NPLOC4: variants seen among roughly 807,000 people sequenced by gnomAD.
NPLOC4 encodes the protein nuclear protein localization protein 4 homolog.
In NPLOC4, 18 loss-of-function variants were observed where a neutral mutation model predicts 80.6. The ratio of observed to expected loss-of-function variants is 0.22; its 90% CI spans 0.15 to 0.33. The LOEUF is 0.33. Ranked by LOEUF, NPLOC4 falls within the 10% of genes least tolerant of loss-of-function variation. NPLOC4 has a pLI of 1.00. For synonymous variants in NPLOC4, 313 were observed against 301.5 expected (o/e 1.04, Z -0.39); for missense variants, 540 against 786.1 (o/e 0.69, Z 3.74).
At chr17:81,621,280 C>T (rs7405578) in intron 3 of NPLOC4, among the ~76,000 whole-genome samples, 3 of 152,144 alleles carry the variant, frequency 2.0e-5, no homozygotes, top group South Asian at 2.1e-4. Flanking sequence ...GTGCCCAATA[C>T]ATCTTTGTTA....
chr17:81,601,329 C>T (rs1336194372), intron 8 of NPLOC4, among the ~76,000 whole-genome samples: 1 of 152,180 alleles, frequency 6.6e-6, no homozygotes, highest in Admixed American at 6.5e-5. Flanking sequence ...TCATTAATAC[C>T]TCCAGAACGT....
intron 13 of NPLOC4, among the ~76,000 whole-genome samples, chr17:81,571,434 C>T (rs1185406584): frequency 1.3e-5 from 2 of 152,206 alleles, no homozygotes; most frequent in East Asian, 3.8e-4. Context: ...TGTGGAAGAG[C>T]CAGGGGCCTT....
At chr17:81,600,687 C>T (rs992245308) in intron 8 of NPLOC4, among the ~76,000 whole-genome samples, 16 of 152,182 alleles carry the variant, frequency 1.1e-4, no homozygotes, top group African/African-American at 3.6e-4. Context: ...AGCTCTGCAT[C>T]AGGAGCACTC....
chr17:81,583,632 T>C (rs1038576764), intron 12 of NPLOC4, among the ~76,000 whole-genome samples: 8 of 152,166 alleles, frequency 5.3e-5, no homozygotes, highest in African/African-American at 1.9e-4. Flanking sequence ...CCTAAAAAAC[T>C]ACACGTGAAC....
chr17:81,566,728 T>C (rs2034023245), intron 15 of NPLOC4: 1 of 152,356 alleles, frequency 6.6e-6, no homozygotes, highest in Non-Finnish European at 1.5e-5. Flanking sequence ...GGAAAAGTTC[T>C]GAGTCAGTGG....
Position 81,608,711 on chromosome 17 carries a change from TACA to T in NPLOC4, c.530+14_530+16del. On this transcript the variant is annotated intron_variant, in intron 6 of 16. Transcript: ENST00000331134. ...AAAAGGAATTTACGCACAACCAGGT[TACA>T]GCAAGTTGCTTACTTGTCAGCCCCT... The T allele has an allele frequency of 6.4e-7, 1 of 1,560,300 alleles. No individual in the cohort carries two copies.
intron 11 of NPLOC4, among the ~76,000 whole-genome samples, chr17:81,592,833 A>T (rs1482407732): frequency 1.3e-5 from 2 of 152,084 alleles, no homozygotes; most frequent in African/African-American, 4.8e-5. Context: ...AAAATACAAA[A>T]ATTGGCCGGG....
chr17:81,607,614 G>A (rs957830950), intron 6 of NPLOC4, among the ~76,000 whole-genome samples: 4 of 152,186 alleles, frequency 2.6e-5, no homozygotes, highest in East Asian at 1.9e-4. Flanking sequence ...GCAAAGACTC[G>A]TCACTGAATC....
At chr17:81,566,200 C>G (rs998204709) in intron 15 of NPLOC4, among the ~76,000 whole-genome samples, 1 of 152,126 alleles carries the variant, frequency 6.6e-6, no homozygotes, top group Admixed American at 6.5e-5. Flanking sequence ...GGCGTGGTTG[C>G]GGGCACCTGT....
rs543264191 is a variant in NPLOC4, at chr17:81,577,038, C to T, written c.1282-4950G>A. 6.6e-6 allele frequency among the ~76,000 whole-genome samples: 1 copy of T among 152,304 alleles called. No individual in the cohort carries two copies. The highest frequency in any genetic ancestry group is 1.5e-5 in the Non-Finnish European group (1 of 68,028). On this transcript the variant is annotated intron_variant, in intron 12 of 16. Coordinates refer to ENST00000331134, the MANE Select transcript of NPLOC4 (RefSeq NM_017921.4). The surrounding 1 kb of genome is among the most constrained non-coding windows in gnomAD (Gnocchi z 4.3). The stretch of plus-strand genomic sequence containing the variant: ...TGCACTAAGAATGAGTTACAGGGTC[C>T]ACCAAGTGCTGTTCACAGTGCCAGA...
In NPLOC4 at chr17:81,636,952, G is replaced by C; in HGVS notation, c.-22C>G. 7.6e-7 allele frequency: 1 copy of C among 1,310,468 alleles called. No homozygotes were observed. Among genetic ancestry groups the C allele is most frequent in the Admixed American group, 3.3e-5 (1 of 30,050 alleles). The allele number at this position is 1,310,468 out of a possible 1,614,324, so 81.2% of individuals were successfully genotyped here. On this transcript the variant is annotated 5_prime_UTR_variant, in exon 1 of 17. Transcript: ENST00000331134. ...CCATGGCGGCTGCTCCTGCCTCCGG[G>C]CTCGAGCCCCGGGCCGCCGCCGCCT...
At chr17:81,565,733 C>T (rs2144030111) in intron 15 of NPLOC4, 126 bp from the exon 16 acceptor site, 1 of 700,666 alleles carries the variant, frequency 1.4e-6, no homozygotes, top group Non-Finnish European at 2.3e-6. Context: ...ATCTTACAGG[C>T]TATCACTATA....
chr17:81,582,694 C>T (rs1324427680), intron 12 of NPLOC4, among the ~76,000 whole-genome samples: 1 of 152,238 alleles, frequency 6.6e-6, no homozygotes, highest in African/African-American at 2.4e-5. Flanking sequence ...TGAGCCACCA[C>T]ACCTAGTCTA....
intron 2 of NPLOC4, among the ~76,000 whole-genome samples, chr17:81,626,944 G>C (rs1025579439): frequency 6.6e-6 from 1 of 151,066 alleles, no homozygotes; most frequent in African/African-American, 2.4e-5. Context: ...ACAAAAATCA[G>C]CTGGGCATGG....
chr17:81,619,264 C>T (rs2035597311), intron 3 of NPLOC4, among the ~76,000 whole-genome samples: 1 of 151,436 alleles, frequency 6.6e-6, no homozygotes, highest in Non-Finnish European at 1.5e-5. Context: ...GTAGTCCCAG[C>T]TATTCGGGAG....
At chr17:81,620,002 G>A (rs958027033) in intron 3 of NPLOC4, among the ~76,000 whole-genome samples, 1 of 152,158 alleles carries the variant, frequency 6.6e-6, no homozygotes, top group Admixed American at 6.6e-5. Context: ...GGGTCATGCT[G>A]GAGGGTCTTG....
intron 3 of NPLOC4, among the ~76,000 whole-genome samples, chr17:81,617,426 C>T (rs1056265510): frequency 2.6e-5 from 4 of 152,188 alleles, no homozygotes; most frequent in African/African-American, 9.6e-5. Flanking sequence ...GTAATCCCAG[C>T]ACTCTGGGAG....
chr17:81,606,659 A>G lies in NPLOC4; in HGVS notation c.654+32T>C, dbSNP rs778598953. 3.8e-6 allele frequency: 6 copies of G among 1,598,246 alleles called. No homozygotes were observed. The Admixed American group carries it at 1.0e-4, about 28-fold the overall frequency. On this transcript the variant is annotated intron_variant, in intron 7 of 16. Transcript: ENST00000331134. ...GGAAATATCCGTTTCTCAGCCATGA[A>G]AACAAATCTAGACAGACAGGGAACA...
At chr17:81,581,430 T>G (rs1335751232) in intron 12 of NPLOC4, among the ~76,000 whole-genome samples, 1 of 144,388 alleles carries the variant, frequency 6.9e-6, no homozygotes, top group Non-Finnish European at 1.5e-5. Context: ...CTTGTCAAAG[T>G]GCCCAATTGT....
Sources: gnomAD v4.1 joint callset for allele counts (sites outside exome capture counted in the v4.1 genomes callset) on GRCh38, gnomAD v4.1.1 for gene constraint, Gnocchi (gnomAD v3.1) non-coding constraint, MANE v1.5 for transcripts, NCBI Gene and HGNC (gene_info 2026-07-23, HGNC 2026-07-21) for gene names.